GPATCH2: variants seen among roughly 807,000 people sequenced by gnomAD.
GPATCH2 encodes the protein G-patch domain containing 2.
Under a neutral mutation model 58.0 loss-of-function variants are expected in GPATCH2, and 51 were observed. That is an observed-to-expected ratio of 0.88 (90% CI 0.70 to 1.11). The LOEUF (loss-of-function observed/expected upper bound fraction) is 1.11, where lower values mean the gene tolerates loss of function less well. GPATCH2 is among the 50% of genes most tolerant of loss of function. The pLI is 0.00. For synonymous variants in GPATCH2, 222 were observed against 218.5 expected (o/e 1.02, Z -0.14); for missense variants, 625 against 652.2 (o/e 0.96, Z 0.45).
intron 5 of GPATCH2, among the ~76,000 whole-genome samples, chr1:217,523,752 G>A (rs1479007299): frequency 5.5e-4 from 80 of 145,974 alleles, no homozygotes; most frequent in African/African-American, 1.9e-3. Flanking sequence ...AGGGGCGGCC[G>A]GGCAGAGGCG....
chr1:217,477,969 T>C (rs1246744517), intron 8 of GPATCH2, among the ~76,000 whole-genome samples: 1 of 152,210 alleles, frequency 6.6e-6, no homozygotes, highest in African/African-American at 2.4e-5. Context: ...AAACTATGTA[T>C]GACTGGGAGA....
intron 6 of GPATCH2, among the ~76,000 whole-genome samples, chr1:217,506,738 A>T (rs4846416): frequency 0.17 from 26,099 of 152,198 alleles, 3,060 homozygotes; most frequent in East Asian, 0.5. Flanking sequence ...CTCTGGTCTC[A>T]TCACATACCA....
intron 8 of GPATCH2, among the ~76,000 whole-genome samples, chr1:217,454,754 C>T (rs1459301891): frequency 1.3e-5 from 2 of 151,776 alleles, no homozygotes; most frequent in Non-Finnish European, 2.9e-5. Flanking sequence ...CCTCCCGGCC[C>T]CCACGGGTAG....
rs1474500726 is a variant in GPATCH2, at chr1:217,430,123, A to C, written c.*1022T>G. On this transcript the variant is annotated 3_prime_UTR_variant, in exon 10 of 10. Transcript: ENST00000366935. The stretch of plus-strand genomic sequence containing the variant: ...AACGACCTCTTTTGCTAGGTTTTAA[A>C]GTAACATCTTGGGTCCTAGAAAGGG... The C allele has an allele frequency of 6.6e-6, 1 of 152,062 alleles. No individual in the cohort carries two copies. The highest frequency in any genetic ancestry group is 2.1e-4 in the South Asian group (1 of 4,814). 9.4% of individuals were successfully genotyped at this position (152,062 alleles called of 1,614,324 possible).
chr1:217,498,617 G>A, intron 6 of GPATCH2: 1 of 589,248 alleles, frequency 1.7e-6, no homozygotes, highest in Non-Finnish European at 3.0e-6. Flanking sequence ...AGCAAACTGA[G>A]TTAGAATTAC....
chr1:217,485,567 T>A (rs1661418832), intron 8 of GPATCH2, among the ~76,000 whole-genome samples: 1 of 152,056 alleles, frequency 6.6e-6, no homozygotes, highest in Non-Finnish European at 1.5e-5. Context: ...AATCAGTTAG[T>A]TGTCTGTGCA....
rs147474574 is a variant in GPATCH2 at position 217,511,246 on chromosome 1, C to T, written c.1166+3576G>A. On this transcript the variant is annotated intron_variant, in intron 6 of 9. Coordinates refer to ENST00000366935, the MANE Select transcript of GPATCH2 (RefSeq NM_018040.5). The stretch of plus-strand genomic sequence containing the variant: ...ACAATATCTGAAATATCTCTGTTTA[C>T]AGCCCGGAAAGATTTTATACTGTGC... 1.7e-3 allele frequency among the ~76,000 whole-genome samples: 266 copies of T among 152,300 alleles called. 2 individuals carry two copies. Among genetic ancestry groups the T allele is most frequent in the African/African-American group, 5.8e-3 (243 of 41,568 alleles).
intron 8 of GPATCH2, among the ~76,000 whole-genome samples, chr1:217,466,704 A>C (rs1660468247): frequency 2.6e-5 from 4 of 152,280 alleles, no homozygotes; most frequent in Admixed American, 2.6e-4. Context: ...ACTGTTACAC[A>C]GAGGTAATAA....
At chr1:217,561,082 GACAA>G (rs369368476) in intron 5 of GPATCH2, among the ~76,000 whole-genome samples, 34 of 152,168 alleles carry the variant, frequency 2.2e-4, no homozygotes, top group African/African-American at 7.9e-4. Context: ...AAAACAAACA[GACAA>G]ACAAACAGAC....
intron 9 of GPATCH2, among the ~76,000 whole-genome samples, chr1:217,443,016 T>A (rs761861630): frequency 6.6e-6 from 1 of 152,158 alleles, no homozygotes; most frequent in African/African-American, 2.4e-5. Flanking sequence ...AACATGCATA[T>A]CTTGTTTATT....
chr1:217,597,635 T>C (rs955532779), intron 5 of GPATCH2, among the ~76,000 whole-genome samples: 1 of 152,152 alleles, frequency 6.6e-6, no homozygotes. Context: ...AGCTCAAAAC[T>C]GATTATATGA....
intron 6 of GPATCH2, among the ~76,000 whole-genome samples, chr1:217,509,359 A>C (rs1313568346): frequency 6.6e-6 from 1 of 152,154 alleles, no homozygotes; most frequent in East Asian, 1.9e-4. Flanking sequence ...TATAAAAGCA[A>C]CATGTCTACT....
At chr1:217,457,163 G>A (rs1026255469) in intron 8 of GPATCH2, among the ~76,000 whole-genome samples, 7 of 152,238 alleles carry the variant, frequency 4.6e-5, no homozygotes, top group Non-Finnish European at 2.9e-5. Context: ...TGGGGCAGCT[G>A]TGGTGTAAAT....
intron 5 of GPATCH2, among the ~76,000 whole-genome samples, chr1:217,545,039 C>T (rs1446617856): frequency 1.3e-5 from 2 of 152,174 alleles, no homozygotes; most frequent in Non-Finnish European, 2.9e-5. Flanking sequence ...TCTACTGGAG[C>T]CTTCTCAATT....
Position 217,630,901 on chromosome 1 carries a change from G to T in GPATCH2, c.56+15C>A. 6.3e-7 allele frequency: 1 copy of T among 1,580,784 alleles called. No homozygotes were observed. ...CCTTCCCTGACCTCCCCCTCCCCAG[G>T]GCCGCCAGCCTCACCAGCTGTTCCC... On this transcript the variant is annotated intron_variant, in intron 1 of 9. Transcript: ENST00000366935.
At chr1:217,440,236 A>C (rs1033060701) in intron 9 of GPATCH2, among the ~76,000 whole-genome samples, 1 of 152,218 alleles carries the variant, frequency 6.6e-6, no homozygotes, top group Non-Finnish European at 1.5e-5. Context: ...GTAATACATC[A>C]CATAAACAGA....
At chr1:217,510,880 G>A (rs772255013) in intron 6 of GPATCH2, among the ~76,000 whole-genome samples, 1 of 152,092 alleles carries the variant, frequency 6.6e-6, no homozygotes, top group Non-Finnish European at 1.5e-5. Flanking sequence ...ATCACCTGCA[G>A]TCAGGAGTTT....
chr1:217,555,616 T>C (rs886123950), intron 5 of GPATCH2, among the ~76,000 whole-genome samples: 1 of 152,174 alleles, frequency 6.6e-6, no homozygotes, highest in South Asian at 2.1e-4. Context: ...TCAAAAAACA[T>C]GACAATGACA....
intron 8 of GPATCH2, among the ~76,000 whole-genome samples, chr1:217,484,125 A>G (rs572014527): frequency 9.0e-4 from 137 of 152,288 alleles, no homozygotes; most frequent in South Asian, 1.7e-3. Flanking sequence ...TTGGTCAAAT[A>G]TTATTGTGTC....
Sources: gnomAD v4.1 joint callset for allele counts (sites outside exome capture counted in the v4.1 genomes callset) on GRCh38, gnomAD v4.1.1 for gene constraint, MANE v1.5 for transcripts, NCBI Gene and HGNC (gene_info 2026-07-23, HGNC 2026-07-21) for gene names.